Variants in SLCO6A1 observed in about 807,000 individuals in gnomAD.
SLCO6A1 encodes cancer/testis antigen 48.
A neutral mutation model predicts 72.7 loss-of-function variants in SLCO6A1; 65 were observed. That is an observed-to-expected ratio of 0.89 (90% CI 0.73 to 1.10). The LOEUF (loss-of-function observed/expected upper bound fraction) is 1.10. SLCO6A1 is among the 50% of genes least tolerant of loss of function. SLCO6A1 has a pLI of 0.00. For missense variants in SLCO6A1, 874 were observed against 872.6 expected, an observed-to-expected ratio of 1.00 and a Z score of -0.02; for synonymous variants, 314 against 298.2, an observed-to-expected ratio of 1.05 and a Z score of -0.55.
At chr5:102,416,887 AC>A (rs1408767091) in intron 8 of SLCO6A1, among the ~76,000 whole-genome samples, 2 of 152,140 alleles carry the variant, frequency 1.3e-5, no homozygotes, top group Non-Finnish European at 2.9e-5. Context: ...TATGGTTCAA[AC>A]CAGAATTTTT....
At chr5:102,405,490 C>T (rs964048697) in intron 9 of SLCO6A1, among the ~76,000 whole-genome samples, 1 of 151,784 alleles carries the variant, frequency 6.6e-6, no homozygotes, top group Non-Finnish European at 1.5e-5. Context: ...CATATATCAT[C>T]AGAAACCATG....
intron 3 of SLCO6A1, among the ~76,000 whole-genome samples, chr5:102,476,334 T>C (rs757544273): frequency 1.3e-5 from 2 of 152,134 alleles, no homozygotes; most frequent in Non-Finnish European, 2.9e-5. Flanking sequence ...AAGTCCCAAA[T>C]TTGTAGGGCA....
At chr5:102,393,776 G>A (rs1033935698) in intron 10 of SLCO6A1, among the ~76,000 whole-genome samples, 1 of 151,978 alleles carries the variant, frequency 6.6e-6, no homozygotes, top group Non-Finnish European at 1.5e-5. Context: ...CCACAATTAA[G>A]GAGACATAAA....
chr5:102,429,822 T>C (rs536748159), intron 7 of SLCO6A1, among the ~76,000 whole-genome samples: 16 of 152,308 alleles, frequency 1.1e-4, no homozygotes, highest in African/African-American at 3.8e-4. Flanking sequence ...TTAAAATAGT[T>C]TTTATCTAGT....
rs567165297 is a variant in SLCO6A1, at chr5:102,399,574, T to G, written c.1795A>C (p.Ile599Leu). ...LIFSGFSGVP[I>L]VLAMTRVVPD... ...ACATACCGCGTCATGGCCAAGACGA[T>G]TGGTACACCAGAAAAACCAGAAAAT... is the stretch of plus-strand genomic sequence containing the variant. Residue 599 changes from isoleucine to leucine, a missense_variant, in exon 10 of 14, where the codon ATC becomes CTC. Ile to Leu is a conservative substitution (Grantham distance 5, BLOSUM62 2). Transcript: ENST00000506729. 6.4e-7 allele frequency: 1 copy of G among 1,570,700 alleles called. No individual in the cohort carries two copies. Among genetic ancestry groups the G allele is most frequent in the Non-Finnish European group, 8.7e-7 (1 of 1,155,430 alleles).
intron 1 of SLCO6A1, among the ~76,000 whole-genome samples, chr5:102,486,928 A>C (rs975926068): frequency 5.9e-5 from 9 of 152,190 alleles, no homozygotes; most frequent in Non-Finnish European, 1.2e-4. Context: ...ATTTCACAAA[A>C]AATAAATTAT....
chr5:102,421,636 T>C (rs748197649), intron 7 of SLCO6A1, among the ~76,000 whole-genome samples: 3 of 152,068 alleles, frequency 2.0e-5, no homozygotes, highest in Non-Finnish European at 2.9e-5. Context: ...GGCTTATAGA[T>C]GAAACTCCCA....
intron 7 of SLCO6A1, among the ~76,000 whole-genome samples, chr5:102,421,994 C>T (rs919408792): frequency 6.6e-6 from 1 of 152,164 alleles, no homozygotes; most frequent in African/African-American, 2.4e-5. Context: ...CTGGAGTGGA[C>T]CTCCAGCAAA....
chr5:102,491,345 C>T (rs1402780047), intron 1 of SLCO6A1, among the ~76,000 whole-genome samples: 6 of 152,358 alleles, frequency 3.9e-5, no homozygotes, highest in African/African-American at 7.2e-5. Context: ...GATCCCCTAC[C>T]GGGGCCGCAG....
At chr5:102,386,259 A>T (rs1339654077) in intron 12 of SLCO6A1, among the ~76,000 whole-genome samples, 2 of 152,044 alleles carry the variant, frequency 1.3e-5, no homozygotes, top group Non-Finnish European at 2.9e-5. Flanking sequence ...AGGTCCACTG[A>T]GATGGACTTT....
Position 102,399,591 on chromosome 5 carries a change from C to T in SLCO6A1, c.1778G>A (p.Gly593Asp). ...CAAGACGATTGGTACACCAGAAAAA[C>T]CAGAAAATATAAGTGTAGAAAAGAT... ...AFIFSTLIFS[G>D]FSGVPIVLAM... The change falls in exon 10 of 14, where the codon GGT becomes GAT. Residue 593 changes from glycine (G) to aspartate (D), a missense_variant. Gly to Asp is a moderately conservative substitution (Grantham distance 94). Transcript: ENST00000506729. 1 of 1,582,602 alleles carries T rather than the reference C, an allele frequency of 6.3e-7. No individual in the cohort carries two copies. Among genetic ancestry groups the T allele is most frequent in the Non-Finnish European group, 8.6e-7 (1 of 1,161,726 alleles).
chr5:102,492,517 C>A (rs1172799253), intron 1 of SLCO6A1, among the ~76,000 whole-genome samples: 1 of 152,104 alleles, frequency 6.6e-6, no homozygotes, highest in African/African-American at 2.4e-5. Context: ...GTTCATCTCA[C>A]TGGGGCTCGT....
At chr5:102,373,583 C>T in intron 12 of SLCO6A1, 89 bp from the exon 13 acceptor site, 2 of 873,984 alleles carry the variant, frequency 2.3e-6, no homozygotes, top group Middle Eastern at 4.1e-4. Flanking sequence ...GAAAGGTAAG[C>T]ATATTTCACC....
chr5:102,427,610 G>A (rs1748964179), intron 7 of SLCO6A1, among the ~76,000 whole-genome samples: 2 of 151,790 alleles, frequency 1.3e-5, no homozygotes, highest in Admixed American at 1.3e-4. Flanking sequence ...GAACTTCAAA[G>A]AGACATGACA....
intron 3 of SLCO6A1, among the ~76,000 whole-genome samples, chr5:102,476,932 T>C (rs1751929948): frequency 6.6e-6 from 1 of 152,050 alleles, no homozygotes; most frequent in Non-Finnish European, 1.5e-5. Flanking sequence ...CCAGAATCTA[T>C]TGCAATATAA....
At chr5:102,428,825 T>A (rs1160990478) in intron 7 of SLCO6A1, among the ~76,000 whole-genome samples, 2 of 152,240 alleles carry the variant, frequency 1.3e-5, no homozygotes, top group Admixed American at 6.5e-5. Flanking sequence ...GTAATGAGAT[T>A]GCTGCATCAC....
intron 8 of SLCO6A1, among the ~76,000 whole-genome samples, chr5:102,416,632 T>A (rs1748302022): frequency 6.6e-6 from 1 of 152,088 alleles, no homozygotes; most frequent in South Asian, 2.1e-4. Context: ...GGGTATAATG[T>A]ATATTATTTG....
At chr5:102,424,610 G>A (rs1319248058) in intron 7 of SLCO6A1, among the ~76,000 whole-genome samples, 1 of 152,048 alleles carries the variant, frequency 6.6e-6, no homozygotes, top group African/African-American at 2.4e-5. Flanking sequence ...AACAAGTTCT[G>A]AAATTGAGGC....
At chr5:102,493,664 G>A (rs906536693) in intron 1 of SLCO6A1, among the ~76,000 whole-genome samples, 2 of 152,040 alleles carry the variant, frequency 1.3e-5, no homozygotes, top group Admixed American at 6.5e-5. Context: ...GTGACAAACC[G>A]TAACAAAAAG....
Sources: allele counts gnomAD v4.1 joint callset (sites outside exome capture counted in the v4.1 genomes callset), GRCh38; gene constraint gnomAD v4.1.1; transcripts MANE v1.5; gene names NCBI Gene and HGNC (gene_info 2026-07-23, HGNC 2026-07-21).